The following PTN variants were observed in gnomAD, a reference collection of about 807,000 sequenced individuals.
PTN encodes heparin affin regulatory protein.
A neutral mutation model predicts 24.1 loss-of-function variants in PTN; 18 were observed. The observed-to-expected ratio is 0.75, with a 90% CI of 0.52 to 1.11. The LOEUF is 1.11. Among genes scored for constraint, PTN ranks in the 50% least tolerant of loss-of-function variants. The pLI, the probability that PTN is intolerant of heterozygous loss-of-function variation, is 0.00. For synonymous variants in PTN, 78 were observed against 68.6 expected, an observed-to-expected ratio of 1.14 and a Z score of -0.67; for missense variants, 163 against 198.8, an observed-to-expected ratio of 0.82 and a Z score of 1.08.
intron 1 of PTN, among the ~76,000 whole-genome samples, chr7:137,256,125 C>T (rs1454194356): frequency 1.3e-5 from 2 of 152,004 alleles, no homozygotes; most frequent in African/African-American, 2.4e-5. Context: ...TATCCTTGCC[C>T]GTGAATTTTT....
intron 1 of PTN, among the ~76,000 whole-genome samples, chr7:137,303,639 A>G (rs1376832844): frequency 6.6e-6 from 1 of 152,070 alleles, no homozygotes; most frequent in Non-Finnish European, 1.5e-5. Flanking sequence ...TTATAAAGTC[A>G]GTAGGAAAAT....
chr7:137,236,315 C>G (rs322295), intron 4 of PTN: 1 of 700,042 alleles, frequency 1.4e-6, no homozygotes, highest in East Asian at 2.7e-5. Context: ...ACTTTCTTTA[C>G]ACAGTAGAGT....
At chr7:137,264,064 C>T (rs1319448072) in intron 1 of PTN, among the ~76,000 whole-genome samples, 1 of 152,048 alleles carries the variant, frequency 6.6e-6, no homozygotes, top group Non-Finnish European at 1.5e-5. Flanking sequence ...ATATTTGAAA[C>T]TTTTAGAACC....
intron 4 of PTN, among the ~76,000 whole-genome samples, chr7:137,232,094 G>C (rs182779121): frequency 2.8e-4 from 42 of 152,082 alleles, no homozygotes; most frequent in Non-Finnish European, 5.9e-4. Flanking sequence ...ACATTGAACA[G>C]AGCCAAATCA....
chr7:137,330,066 C>T (rs1810324705), intron 1 of PTN, among the ~76,000 whole-genome samples: 1 of 152,136 alleles, frequency 6.6e-6, no homozygotes, highest in Non-Finnish European at 1.5e-5. Context: ...GTGGGTGGAT[C>T]ACCTGAGGTC....
intron 1 of PTN, among the ~76,000 whole-genome samples, chr7:137,285,969 G>A (rs894506487): frequency 2.0e-5 from 3 of 152,192 alleles, no homozygotes; most frequent in African/African-American, 2.4e-5. Context: ...TACAGTCTTG[G>A]TTATCTGGTT....
chr7:137,269,691 G>A (rs189264973), intron 1 of PTN, among the ~76,000 whole-genome samples: 80 of 132,526 alleles, frequency 6.0e-4, no homozygotes, highest in African/African-American at 2.2e-3. Context: ...GGAGTCCAGT[G>A]GCATGACCTC....
chr7:137,251,274 G>C lies in PTN; in HGVS notation c.407C>G (p.Thr136Ser). 3.7e-6 allele frequency: 6 copies of C among 1,614,140 alleles called. No homozygotes were observed. Among genetic ancestry groups the C allele is most frequent in the Non-Finnish European group, 5.1e-6 (6 of 1,180,014 alleles). ...LHNAECQKTVTISKPCGKLTK... is the reference protein window; with the variant it reads ...LHNAECQKTVSISKPCGKLTK... ...CAGTTTGCCACAGGGCTTGGAGATG[G>C]TGACAGTCTTCTGGCATTCGGCATT... is the stretch of plus-strand genomic sequence containing the variant. Residue 136 changes from threonine to serine, a missense_variant, in exon 4 of 5, where the codon ACC becomes AGC. Coordinates refer to ENST00000348225, the MANE Select transcript of PTN (RefSeq NM_002825.7).
intron 1 of PTN, among the ~76,000 whole-genome samples, chr7:137,269,852 C>T (rs2128874228): frequency 6.6e-6 from 1 of 151,986 alleles, no homozygotes; most frequent in Middle Eastern, 3.4e-3. Flanking sequence ...AGGGTGGTCT[C>T]AATCTCCTGA....
intron 1 of PTN, among the ~76,000 whole-genome samples, chr7:137,342,931 G>A (rs943882716): frequency 1.3e-5 from 2 of 152,084 alleles, no homozygotes; most frequent in Admixed American, 6.5e-5. Context: ...CTAGCACTGG[G>A]AGGAACAAGC....
intron 1 of PTN, among the ~76,000 whole-genome samples, chr7:137,275,628 T>C (rs1809347777): frequency 6.6e-6 from 1 of 152,150 alleles, no homozygotes; most frequent in Admixed American, 6.5e-5. Flanking sequence ...ACTTCTCAAC[T>C]TTTGGCAGTA....
At chr7:137,269,983 C>T (rs1425129905) in intron 1 of PTN, among the ~76,000 whole-genome samples, 3 of 152,142 alleles carry the variant, frequency 2.0e-5, no homozygotes, top group Non-Finnish European at 4.4e-5. Flanking sequence ...ACTATCTTGA[C>T]ACCTCTTTCC....
At chr7:137,275,367 T>C (rs1381171584) in intron 1 of PTN, among the ~76,000 whole-genome samples, 1 of 152,176 alleles carries the variant, frequency 6.6e-6, no homozygotes, top group African/African-American at 2.4e-5. Flanking sequence ...GCCCCAGAAT[T>C]ATCATTAGTA....
At chr7:137,281,180 T>G (rs1372183588) in intron 1 of PTN, among the ~76,000 whole-genome samples, 1 of 151,428 alleles carries the variant, frequency 6.6e-6, no homozygotes, top group Non-Finnish European at 1.5e-5. Context: ...CTTCAAGAGC[T>G]CATAGAATAT....
At position 137,314,839 on chromosome 7, in the gene PTN, C is replaced by T. The variant is rs546872523; in HGVS notation, c.-2+28600G>A. 1.7e-3 allele frequency among the ~76,000 whole-genome samples: 261 copies of T among 152,154 alleles called. 2 individuals carry two copies. The highest frequency in any genetic ancestry group is 3.3e-3 in the South Asian group (16 of 4,816). ...CAGACTCCTGACCTCATGATCCGCC[C>T]GCCTCGGCCTCCCAAAGTGCTGGGA... On this transcript the variant is annotated intron_variant, in intron 1 of 4. Transcript: ENST00000348225.
chr7:137,319,189 G>T (rs1810122549), intron 1 of PTN, among the ~76,000 whole-genome samples: 1 of 152,258 alleles, frequency 6.6e-6, no homozygotes, highest in East Asian at 1.9e-4. Flanking sequence ...AAGACCTTCT[G>T]CAGTTTACTT....
intron 4 of PTN, among the ~76,000 whole-genome samples, chr7:137,233,828 A>G (rs948012358): frequency 1.3e-5 from 2 of 151,666 alleles, no homozygotes; most frequent in Non-Finnish European, 2.9e-5. Flanking sequence ...CATTCTTCTT[A>G]AAAAATATTA....
At chr7:137,319,949 G>A (rs1444720060) in intron 1 of PTN, among the ~76,000 whole-genome samples, 2 of 152,112 alleles carry the variant, frequency 1.3e-5, no homozygotes, top group Non-Finnish European at 2.9e-5. Context: ...TCCCCTCCAC[G>A]TGTATTCTGC....
At chr7:137,332,965 G>C (rs1444441545) in intron 1 of PTN, among the ~76,000 whole-genome samples, 1 of 152,126 alleles carries the variant, frequency 6.6e-6, no homozygotes, top group African/African-American at 2.4e-5. Flanking sequence ...GCTATAGTTT[G>C]GATGTTTGTC....
Sources: allele counts gnomAD v4.1 joint callset (sites outside exome capture counted in the v4.1 genomes callset), GRCh38; gene constraint gnomAD v4.1.1; transcripts MANE v1.5; gene names NCBI Gene and HGNC (gene_info 2026-07-23, HGNC 2026-07-21).